The following ATP2A3 variants were observed in gnomAD, a reference collection of about 807,000 sequenced individuals.
ATP2A3 encodes ATPase sarcoplasmic/endoplasmic reticulum Ca2+ transporting 3, also known as sarcoplasmic/endoplasmic reticulum calcium ATPase 3.
A neutral mutation model predicts 106.8 loss-of-function variants in ATP2A3; 61 were observed. The ratio of observed to expected loss-of-function variants is 0.57; its 90% CI spans 0.46 to 0.71. The LOEUF is 0.71. Ranked by LOEUF, ATP2A3 falls within the 30% of genes least tolerant of loss-of-function variation. The pLI is 0.00. For synonymous variants in ATP2A3, 611 were observed against 609.3 expected, an observed-to-expected ratio of 1.00 and a Z score of -0.04; for missense variants, 1,201 against 1,423.5, an observed-to-expected ratio of 0.84 and a Z score of 2.52.
rs947532295 is a variant in ATP2A3 at position 3,930,907 on chromosome 17, G to A, written c.2611-473C>T. The A allele has an allele frequency of 1.5e-5, 4 of 274,346 alleles. No individual in the cohort carries two copies. Among genetic ancestry groups the A allele is most frequent in the African/African-American group, 6.6e-5 (3 of 45,582 alleles). 17.0% of individuals were successfully genotyped at this position (274,346 alleles called of 1,614,324 possible). A position where few individuals can be genotyped will look rare whatever the true frequency, so the allele number is the denominator to read the frequency against. Reference sequence around the variant, plus strand: ...TCATGCCTGTCATCCCAGGGAGGCGGAGGCGGGTGGATCACCTGAGGTCAG... The same window carrying A: ...TCATGCCTGTCATCCCAGGGAGGCGAAGGCGGGTGGATCACCTGAGGTCAG... On this transcript the variant is annotated intron_variant, in intron 17 of 20. Transcript: ENST00000397041. This position sits in a 1 kb window ranked among gnomAD's most constrained non-coding sequence, Gnocchi z 5.4.
chr17:3,928,127 C>T lies in ATP2A3; in HGVS notation c.2980+536G>A, dbSNP rs752466680. 4.1e-4 allele frequency: 654 copies of T among 1,600,674 alleles called. No homozygotes were observed. Among genetic ancestry groups the T allele is most frequent in the Non-Finnish European group, 5.1e-4 (599 of 1,168,364 alleles). The stretch of plus-strand genomic sequence containing the variant: ...TGTCCCAGCCCACTTCTCTCCAGCC[C>T]GACACCTGCCATCCTGTCCTCTCCA... On this transcript the variant is annotated intron_variant, in intron 20 of 20. Coordinates refer to ENST00000397041, the MANE Select transcript of ATP2A3 (RefSeq NM_005173.4). This position sits in a 1 kb window ranked among gnomAD's most constrained non-coding sequence, Gnocchi z 6.1.
At chr17:3,927,597 G>A in intron 20 of ATP2A3, 1 of 985,408 alleles carries the variant, frequency 1.0e-6, no homozygotes, top group South Asian at 4.7e-5. Flanking sequence ...GTCTCCCCAG[G>A]GCTGTCACAG....
Position 3,925,324 on chromosome 17 carries a change from A to G in ATP2A3, c.*98T>C. ...TTTATCCGGCGGGACCCGGTGGGCA[A>G]GTGGGCGAGTGTGGTGGCAAGGGTG... On this transcript the variant is annotated 3_prime_UTR_variant, in exon 21 of 21. Coordinates refer to ENST00000397041, the MANE Select transcript of ATP2A3 (RefSeq NM_005173.4). The surrounding 1 kb of genome is among the most constrained non-coding windows in gnomAD (Gnocchi z 4.2). 1.2e-6 allele frequency: 2 copies of G among 1,603,570 alleles called. No individual in the cohort carries two copies. The highest frequency in any genetic ancestry group is 1.7e-6 in the Non-Finnish European group (2 of 1,172,970).
rs775857856 is a variant in ATP2A3 at position 3,936,424 on chromosome 17, A to G, written c.2367T>C (p.Pro789=). The change falls in exon 16 of 21, where the codon CCT becomes CCC. Residue 789 remains proline, a synonymous_variant. Coordinates refer to ENST00000397041, the MANE Select transcript of ATP2A3 (RefSeq NM_005173.4). This position sits in a 1 kb window ranked among gnomAD's most constrained non-coding sequence, Gnocchi z 5.4. ...AILGLPEALI[P]VQLLWVNLVT... is the part of the protein sequence containing the mutation. The stretch of plus-strand genomic sequence containing the variant: ...CCAGGTTCACCCAGAGCAGCTGCAC[A>G]GGGATCAGGGCTTCGGGCAGGCCCA... The G allele has an allele frequency of 3.0e-5, 48 of 1,614,008 alleles. No homozygotes were observed. Among genetic ancestry groups the G allele is most frequent in the Non-Finnish European group, 3.7e-5 (44 of 1,180,020 alleles).
At chr17:3,943,240 A>G in intron 11 of ATP2A3, 151 bp downstream of exon 11, 1 of 1,308,310 alleles carries the variant, frequency 7.6e-7, no homozygotes, top group Non-Finnish European at 1.1e-6. Context: ...CCATTGTACT[A>G]AAGCCTGGGC....
Position 3,937,550 on chromosome 17 carries a change from C to A in ATP2A3, c.2187G>T (p.Ser729=), listed in dbSNP as rs752737064. The change falls in exon 15 of 21, where the codon TCG becomes TCT. Residue 729 remains serine (S), a synonymous_variant. Transcript: ENST00000397041. ...CATCTGACAGCACCATCTCTGCCGC[C>A]GACTTGGCCACGGCCGTGCCTGAGC... is the stretch of plus-strand genomic sequence containing the variant. ...AMGSGTAVAK[S]AAEMVLSDDN... is the part of the protein sequence containing the mutation. The A allele has an allele frequency of 6.2e-7, 1 of 1,614,140 alleles. No homozygotes were observed. The highest frequency in any genetic ancestry group is 1.3e-5 in the African/African-American group (1 of 75,060).
At chr17:3,954,620 C>T (rs1222726517) in intron 1 of ATP2A3, among the ~76,000 whole-genome samples, 1 of 151,878 alleles carries the variant, frequency 6.6e-6, no homozygotes, top group African/African-American at 2.4e-5. Context: ...CCTTAGCCTC[C>T]TGAGTAGCTG....
In ATP2A3 at chr17:3,926,793, C is replaced by T. The variant is rs1402121161; in HGVS notation, c.2981-1352G>A. The stretch of plus-strand genomic sequence containing the variant: ...CCATGTTGGCCAGGCTGGTCTCTAA[C>T]TCCTGACTCAGGTGATCTGCCCACC... On this transcript the variant is annotated intron_variant, in intron 20 of 20. Coordinates refer to ENST00000397041, the MANE Select transcript of ATP2A3 (RefSeq NM_005173.4). This position sits in a 1 kb window ranked among gnomAD's most constrained non-coding sequence, Gnocchi z 4.6. 2 of 929,484 alleles carry T rather than the reference C, an allele frequency of 2.2e-6. No individual in the cohort carries two copies. The highest frequency in any genetic ancestry group is 2.6e-6 in the Non-Finnish European group (2 of 778,790). 57.6% of individuals were successfully genotyped at this position (929,484 alleles called of 1,614,324 possible). A position where few individuals can be genotyped will look rare whatever the true frequency, so the allele number is the denominator to read the frequency against.
Position 3,929,310 on chromosome 17 carries a change from G to A in ATP2A3, c.2862+18C>T. ...GATGTCCAGGGACCAGGGCAGTGGG[G>A]CAGGCGGGGTGACTCACAGGCAGGG... On this transcript the variant is annotated intron_variant, in intron 19 of 20. Transcript: ENST00000397041. The surrounding 1 kb of genome is among the most constrained non-coding windows in gnomAD (Gnocchi z 4.3). The A allele has an allele frequency of 1.3e-6, 2 of 1,542,564 alleles. No homozygotes were observed. Among genetic ancestry groups the A allele is most frequent in the Non-Finnish European group, 1.8e-6 (2 of 1,140,392 alleles).
rs918636691 is a variant in ATP2A3 at position 3,947,151 on chromosome 17, G to A, written c.1095+240C>T. Reference sequence around the variant, plus strand: ...ATGAGGAGACTGAGGTTAACAGACTGTCAGCAACCTGGCCAGGGCCCCACA... The same window carrying A: ...ATGAGGAGACTGAGGTTAACAGACTATCAGCAACCTGGCCAGGGCCCCACA... On this transcript the variant is annotated intron_variant, in intron 8 of 20. Coordinates refer to ENST00000397041, the MANE Select transcript of ATP2A3 (RefSeq NM_005173.4). This position sits in a 1 kb window ranked among gnomAD's most constrained non-coding sequence, Gnocchi z 7.7. Among the ~76,000 whole-genome samples, 3 of 152,224 alleles carry A rather than the reference G, an allele frequency of 2.0e-5. No individual in the cohort carries two copies. Among genetic ancestry groups the A allele is most frequent in the Non-Finnish European group, 4.4e-5 (3 of 68,042 alleles).
chr17:3,943,525 G>A lies in ATP2A3; in HGVS notation c.1288-3C>T. On this transcript the variant is annotated splice_polypyrimidine_tract_variant and splice_region_variant and intron_variant, in intron 10 of 20. Coordinates refer to ENST00000397041, the MANE Select transcript of ATP2A3 (RefSeq NM_005173.4). Reference sequence around the variant, plus strand: ...ACCTTCTCATACACACCCTTGGCCTGGCAAGGACCCAGGGGATAGGGAGTG... The same window carrying A: ...ACCTTCTCATACACACCCTTGGCCTAGCAAGGACCCAGGGGATAGGGAGTG... 2 of 1,613,958 alleles carry A rather than the reference G, an allele frequency of 1.2e-6. No homozygotes were observed. The highest frequency in any genetic ancestry group is 1.7e-6 in the Non-Finnish European group (2 of 1,179,932).
intron 1 of ATP2A3, among the ~76,000 whole-genome samples, chr17:3,959,141 A>ACCCACCTC (rs1403820519): frequency 6.6e-6 from 1 of 151,990 alleles, no homozygotes; most frequent in Non-Finnish European, 1.5e-5. Context: ...CAAGTGATCC[A>ACCCACCTC]CCCACCTCGG....
chr17:3,964,144 TC>T, intron 1 of ATP2A3, 29 bp downstream of exon 1: 2 of 1,043,574 alleles, frequency 1.9e-6, no homozygotes, highest in Non-Finnish European at 2.3e-6. Flanking sequence ...CGGCCCCCGC[TC>T]CCCGGCCCGG....
intron 1 of ATP2A3, among the ~76,000 whole-genome samples, chr17:3,960,931 A>G (rs2055103247): frequency 6.6e-6 from 1 of 152,250 alleles, no homozygotes; most frequent in African/African-American, 2.4e-5. Flanking sequence ...TGCGTGTCAT[A>G]GCAGAGGCTG....
chr17:3,930,653 GA>G lies in ATP2A3; in HGVS notation c.2611-220del. 1.6e-6 allele frequency: 1 copy of G among 639,228 alleles called. No homozygotes were observed. The highest frequency in any genetic ancestry group is 2.7e-6 in the Non-Finnish European group (1 of 370,166). The allele number at this position is 639,228 out of a possible 1,614,324, so 39.6% of individuals were successfully genotyped here. On this transcript the variant is annotated intron_variant, in intron 17 of 20. Coordinates refer to ENST00000397041, the MANE Select transcript of ATP2A3 (RefSeq NM_005173.4). The surrounding 1 kb of genome is among the most constrained non-coding windows in gnomAD (Gnocchi z 5.4). The stretch of plus-strand genomic sequence containing the variant: ...AGGGAGAAGCAAGGGCACAGCGTGG[GA>G]AAGGCAGACGTTCTGGAGCAGGAGT...
In ATP2A3 at chr17:3,928,760, T is replaced by G; in HGVS notation, c.2883A>C (p.Pro961=). ...CCACCACCCACTGGCGCCCGCTCAG[T>G]GGGGTCACCTGGAAAATGAGCTGGC... ...PPLPLIFQVT[P]LSGRQWVVVL... is the part of the protein sequence containing the mutation. Residue 961 remains proline, a synonymous_variant, in exon 20 of 21, where the codon CCA becomes CCC. Transcript: ENST00000397041. This position sits in a 1 kb window ranked among gnomAD's most constrained non-coding sequence, Gnocchi z 6.1. 1 of 1,554,112 alleles carries G rather than the reference T, an allele frequency of 6.4e-7. No homozygotes were observed. Among genetic ancestry groups the G allele is most frequent in the Non-Finnish European group, 8.7e-7 (1 of 1,148,826 alleles).
In ATP2A3 at chr17:3,924,701, A is replaced by G. The variant is rs2052611863; in HGVS notation, c.*721T>C. ...GAGGCGCGCGGGGCTGAGGCAGTCCAGCCAGGCTTTCCCGACTTGTCTCCC... is the reference window on the plus strand; with the variant it reads ...GAGGCGCGCGGGGCTGAGGCAGTCCGGCCAGGCTTTCCCGACTTGTCTCCC... On this transcript the variant is annotated 3_prime_UTR_variant, in exon 21 of 21. Transcript: ENST00000397041. This position sits in a 1 kb window ranked among gnomAD's most constrained non-coding sequence, Gnocchi z 6.4. 2.2e-6 allele frequency: 1 copy of G among 448,084 alleles called. No individual in the cohort carries two copies. The highest frequency in any genetic ancestry group is 4.5e-6 in the Non-Finnish European group (1 of 222,754). 27.8% of individuals were successfully genotyped at this position (448,084 alleles called of 1,614,324 possible).
At chr17:3,952,101 T>C (rs2054482093) in intron 3 of ATP2A3, among the ~76,000 whole-genome samples, 1 of 152,332 alleles carries the variant, frequency 6.6e-6, no homozygotes, top group East Asian at 1.9e-4. Context: ...ACGGATTCTT[T>C]TGAGACAGAG....
intron 1 of ATP2A3, among the ~76,000 whole-genome samples, chr17:3,956,396 A>G (rs1194164825): frequency 6.6e-6 from 1 of 151,936 alleles, no homozygotes; most frequent in East Asian, 1.9e-4. Flanking sequence ...TGGAGCATTG[A>G]CTTTTGGTGG....
Sources: gnomAD v4.1 joint callset for allele counts (sites outside exome capture counted in the v4.1 genomes callset) on GRCh38, gnomAD v4.1.1 for gene constraint, Gnocchi (gnomAD v3.1) non-coding constraint, MANE v1.5 for transcripts, NCBI Gene and HGNC (gene_info 2026-07-23, HGNC 2026-07-21) for gene names.